The following LMO3 variants were observed in gnomAD, a reference collection of about 807,000 sequenced individuals.
The protein encoded by LMO3 is LIM domain only 3.
LMO3 carries 2 observed loss-of-function variants against 15.8 expected under a neutral mutation model. That is an observed-to-expected ratio of 0.13 (90% confidence interval 0.05 to 0.40). The LOEUF is 0.40. Among genes scored for constraint, LMO3 ranks in the 10% least tolerant of loss-of-function variants. The pLI is 0.99. For missense variants in LMO3, 86 were observed against 182.2 expected (o/e 0.47, Z 3.04); for synonymous variants, 62 against 63.8 (o/e 0.97, Z 0.13).
chr12:16,583,164 C>A (rs531582244), intron 2 of LMO3, among the ~76,000 whole-genome samples: 1 of 152,042 alleles, frequency 6.6e-6, no homozygotes, highest in South Asian at 2.1e-4. Flanking sequence ...GTAAGATGAT[C>A]CCGGATAAAA....
At chr12:16,605,027 T>C in intron 1 of LMO3, 2 of 1,557,408 alleles carry the variant, frequency 1.3e-6, no homozygotes, top group Middle Eastern at 1.7e-4. Context: ...GACCGACTAT[T>C]GTGAAGCCAC....
intron 2 of LMO3, among the ~76,000 whole-genome samples, chr12:16,572,179 T>C (rs573189206): frequency 2.0e-4 from 31 of 151,986 alleles, no homozygotes; most frequent in East Asian, 1.2e-3. Flanking sequence ...ACCACAACTC[T>C]CAATCCAGTA....
rs538841960 is a variant in LMO3, at chr12:16,554,452, A to T, written c.333-3125T>A. On this transcript the variant is annotated intron_variant, in intron 3 of 3. Coordinates refer to ENST00000537304, the MANE Select transcript of LMO3 (RefSeq NM_018640.5). The stretch of plus-strand genomic sequence containing the variant: ...TGTAAGTTAGAGATTTCTATACTAT[A>T]CTGTTTTCAATAAGAAGTCCGGGTT... Among the ~76,000 whole-genome samples the T allele has an allele frequency of 3.3e-5, 5 of 152,216 alleles. No homozygotes were observed. In the East Asian group the frequency reaches 9.7e-4, roughly 29 times the overall value.
rs1725616110 is a variant in LMO3, at chr12:16,606,075, T to G, written c.-18A>C. ...CAGTTGCTGCACTTACCTTCTCAAT[T>G]AAGCGATACAGGGGGAGGCCGTTCA... On this transcript the variant is annotated 5_prime_UTR_variant, in exon 1 of 4. Transcript: ENST00000537304. The G allele has an allele frequency of 5.3e-5, 27 of 510,590 alleles. 1 individual carries two copies. The South Asian group carries it at 6.0e-4, about 11-fold the overall frequency. 31.6% of individuals were successfully genotyped at this position (510,590 alleles called of 1,614,324 possible).
In LMO3 at chr12:16,566,039, T is replaced by TATAA. The variant is rs1565488437; in HGVS notation, c.207-5502_207-5501insTTAT. On this transcript the variant is annotated intron_variant, in intron 2 of 3. Transcript: ENST00000537304. ...ATATATATATATATATATATATATATAAAATGGAGTACTATTCAGCCATAA... is the reference window on the plus strand; with the variant it reads ...ATATATATATATATATATATATATATATAAAAAATGGAGTACTATTCAGCCATAA... 2.2e-4 allele frequency among the ~76,000 whole-genome samples: 19 copies of TATAA among 86,522 alleles called. 2 individuals are homozygous for TATAA. Among genetic ancestry groups the TATAA allele is most frequent in the Non-Finnish European group, 3.2e-4 (14 of 44,258 alleles). 56.8% of individuals were successfully genotyped at this position (86,522 alleles called of 152,430 possible). A position where few individuals can be genotyped will look rare whatever the true frequency, so the allele number is the denominator to read the frequency against.
chr12:16,559,327 A>G lies in LMO3; in HGVS notation c.332+1086T>C, dbSNP rs565820067. On this transcript the variant is annotated intron_variant, in intron 3 of 3. Coordinates refer to ENST00000537304, the MANE Select transcript of LMO3 (RefSeq NM_018640.5). This position sits in a 1 kb window ranked among gnomAD's most constrained non-coding sequence, Gnocchi z 4.1. ...TATAGTTTTCACAGAAATAAAAAAT[A>G]TAACTTTCAATAAGAAAAAATGGAA... 6.6e-5 allele frequency among the ~76,000 whole-genome samples: 10 copies of G among 152,368 alleles called. No homozygotes were observed. Among genetic ancestry groups the G allele is most frequent in the Non-Finnish European group, 1.3e-4 (9 of 68,030 alleles).
chr12:16,578,331 A>G (rs1017639306), intron 2 of LMO3, among the ~76,000 whole-genome samples: 1 of 152,136 alleles, frequency 6.6e-6, no homozygotes, highest in African/African-American at 2.4e-5. Context: ...GCTTACCTGA[A>G]CAATATAAAT....
chr12:16,579,694 C>T (rs1465645728), intron 2 of LMO3, among the ~76,000 whole-genome samples: 1 of 152,184 alleles, frequency 6.6e-6, no homozygotes, highest in Non-Finnish European at 1.5e-5. Context: ...GCCTACTAGG[C>T]ACTCAGTAAG....
At position 16,584,965 on chromosome 12, in the gene LMO3, A is replaced by T. The variant is rs890018708; in HGVS notation, c.206+15690T>A. ...AACCAGAATTTTATGATTCTGACCA[A>T]AAAGTTACATACTAGTAGCTGTGTG... On this transcript the variant is annotated intron_variant, in intron 2 of 3. Transcript: ENST00000537304. This position sits in a 1 kb window ranked among gnomAD's most constrained non-coding sequence, Gnocchi z 5.2. Among the ~76,000 whole-genome samples, 3 of 152,240 alleles carry T rather than the reference A, an allele frequency of 2.0e-5. No homozygotes were observed. Among genetic ancestry groups the T allele is most frequent in the African/African-American group, 7.2e-5 (3 of 41,464 alleles).
chr12:16,562,156 A>C (rs1942430357), intron 2 of LMO3, among the ~76,000 whole-genome samples: 2 of 152,152 alleles, frequency 1.3e-5, no homozygotes, highest in Non-Finnish European at 2.9e-5. Flanking sequence ...ATCACCAACT[A>C]AAGCTTTCAT....
chr12:16,564,150 T>C (rs1942504325), intron 2 of LMO3, among the ~76,000 whole-genome samples: 1 of 152,152 alleles, frequency 6.6e-6, no homozygotes, highest in South Asian at 2.1e-4. Flanking sequence ...ATTTTGTCTA[T>C]CTAAAAACAG....
At chr12:16,605,496 T>C (rs978505284) in intron 1 of LMO3, 3 of 384,338 alleles carry the variant, frequency 7.8e-6, no homozygotes, top group Non-Finnish European at 1.0e-5. Context: ...AGGAACAACA[T>C]TTTGTTATTA....
At chr12:16,569,658 T>C (rs750090689) in intron 2 of LMO3, among the ~76,000 whole-genome samples, 1 of 152,174 alleles carries the variant, frequency 6.6e-6, no homozygotes, top group Non-Finnish European at 1.5e-5. Flanking sequence ...CAACATTTCA[T>C]AGAATCACAA....
Position 16,576,069 on chromosome 12 carries a change from A to G in LMO3, c.207-15531T>C, listed in dbSNP as rs537293000. On this transcript the variant is annotated intron_variant, in intron 2 of 3. Coordinates refer to ENST00000537304, the MANE Select transcript of LMO3 (RefSeq NM_018640.5). The surrounding 1 kb of genome is among the most constrained non-coding windows in gnomAD (Gnocchi z 4.1). ...CTGTCCTCTTTTGTCTCAGTAAGCT[A>G]CTTCTAGCGCGCATCGCTTCTCCCT... 6.3e-4 allele frequency among the ~76,000 whole-genome samples: 96 copies of G among 152,126 alleles called. No homozygotes were observed. The highest frequency in any genetic ancestry group is 1.7e-3 in the South Asian group (8 of 4,820).
At position 16,591,696 on chromosome 12, in the gene LMO3, T is replaced by A. The variant is rs1943499682; in HGVS notation, c.206+8959A>T. Among the ~76,000 whole-genome samples, 1 of 152,036 alleles carries A rather than the reference T, an allele frequency of 6.6e-6. No individual in the cohort carries two copies. The highest frequency in any genetic ancestry group is 2.4e-5 in the African/African-American group (1 of 41,426). On this transcript the variant is annotated intron_variant, in intron 2 of 3. Coordinates refer to ENST00000537304, the MANE Select transcript of LMO3 (RefSeq NM_018640.5). This position sits in a 1 kb window ranked among gnomAD's most constrained non-coding sequence, Gnocchi z 4.1. ...GCAAGGGGTGTCAATTATTGATAAC[T>A]TACTGATATCTGTGATAAGAGATGG...
In LMO3 at chr12:16,585,795, T is replaced by A. The variant is rs192150976; in HGVS notation, c.206+14860A>T. Among the ~76,000 whole-genome samples, 11 of 152,248 alleles carry A rather than the reference T, an allele frequency of 7.2e-5. No individual in the cohort carries two copies. The East Asian group carries it at 2.1e-3, about 29-fold the overall frequency. On this transcript the variant is annotated intron_variant, in intron 2 of 3. Coordinates refer to ENST00000537304, the MANE Select transcript of LMO3 (RefSeq NM_018640.5). The surrounding 1 kb of genome is among the most constrained non-coding windows in gnomAD (Gnocchi z 4.7). ...TAACATATATACTTCTAAACAATTG[T>A]TAGAAAGTAAATTTGATCTGGGCTT...
chr12:16,563,712 A>G (rs773112152), intron 2 of LMO3, among the ~76,000 whole-genome samples: 6 of 152,158 alleles, frequency 3.9e-5, no homozygotes, highest in African/African-American at 7.2e-5. Context: ...CATCCTCTAG[A>G]TAAGAGGGCC....
Position 16,597,168 on chromosome 12 carries a change from C to A in LMO3, c.206+3487G>T, listed in dbSNP as rs373505074. ...ACAGCTAAATGAATGATATGCCAGT[C>A]CAGTTCTGGAAAGTGAAAAATTCCA... On this transcript the variant is annotated intron_variant, in intron 2 of 3. Transcript: ENST00000537304. The surrounding 1 kb of genome is among the most constrained non-coding windows in gnomAD (Gnocchi z 5.0). Among the ~76,000 whole-genome samples the A allele has an allele frequency of 1.3e-5, 2 of 151,638 alleles. No individual in the cohort carries two copies. Among genetic ancestry groups the A allele is most frequent in the East Asian group, 3.9e-4 (2 of 5,184 alleles).
At chr12:16,574,129 T>C (rs1456917552) in intron 2 of LMO3, among the ~76,000 whole-genome samples, 2 of 152,102 alleles carry the variant, frequency 1.3e-5, no homozygotes, top group East Asian at 3.8e-4. Flanking sequence ...ATTTGCTCCA[T>C]TATAAAAATG....
Sources: allele counts gnomAD v4.1 joint callset (sites outside exome capture counted in the v4.1 genomes callset), GRCh38; gene constraint gnomAD v4.1.1; non-coding constraint Gnocchi (gnomAD v3.1); transcripts MANE v1.5; gene names NCBI Gene and HGNC (gene_info 2026-07-23, HGNC 2026-07-21).